The following PSMC6 variants were observed in gnomAD, a reference collection of about 807,000 sequenced individuals.
PSMC6 encodes the protein proteasome 26S subunit, ATPase 6.
PSMC6 carries 3 observed loss-of-function variants against 55.9 expected under a neutral mutation model. That is an observed-to-expected ratio of 0.05 (90% CI 0.02 to 0.14). The LOEUF (loss-of-function observed/expected upper bound fraction) is 0.14, where lower values mean the gene tolerates loss of function less well. Among genes scored for constraint, PSMC6 ranks in the 10% least tolerant of loss-of-function variants. PSMC6 has a pLI of 1.00. For missense variants in PSMC6, 210 were observed against 478.7 expected, an observed-to-expected ratio of 0.44 and a Z score of 5.24; for synonymous variants, 137 against 155.9, an observed-to-expected ratio of 0.88 and a Z score of 0.90.
intron 6 of PSMC6, among the ~76,000 whole-genome samples, chr14:52,711,803 T>C (rs1379438774): frequency 6.6e-6 from 1 of 152,176 alleles, no homozygotes; most frequent in African/African-American, 2.4e-5. Context: ...TAATCTGATA[T>C]CCTGTGGTTT....
At chr14:52,707,329 A>G (rs1421670803) in intron 1 of PSMC6, 25 bp downstream of exon 1, 2 of 1,613,200 alleles carry the variant, frequency 1.2e-6, no homozygotes, top group Non-Finnish European at 1.7e-6. Flanking sequence ...CTTTCCATTT[A>G]ATCAAGTGCC....
At chr14:52,725,081 G>A (rs181506435) in intron 13 of PSMC6, among the ~76,000 whole-genome samples, 4 of 152,296 alleles carry the variant, frequency 2.6e-5, no homozygotes, top group African/African-American at 2.4e-5. Flanking sequence ...TGCTCACAGA[G>A]CGTTATCAAT....
At chr14:52,725,141 G>T (rs1880357646) in intron 13 of PSMC6, among the ~76,000 whole-genome samples, 1 of 152,208 alleles carries the variant, frequency 6.6e-6, no homozygotes, top group South Asian at 2.1e-4. Flanking sequence ...ACAAGTTAGA[G>T]TAATTTATGA....
chr14:52,711,060 T>G, intron 4 of PSMC6, 41 bp from the exon 5 acceptor site: 1 of 1,281,444 alleles, frequency 7.8e-7, no homozygotes, highest in Non-Finnish European at 1.1e-6. Context: ...GTTATTCCGT[T>G]TTTAAGTGTT....
In PSMC6 at chr14:52,728,283, T is replaced by C. The variant is rs1265250059; in HGVS notation, c.*666T>C. The C allele has an allele frequency of 6.6e-6, 1 of 152,262 alleles. No individual in the cohort carries two copies. Among genetic ancestry groups the C allele is most frequent in the Non-Finnish European group, 1.5e-5 (1 of 68,058 alleles). The allele number at this position is 152,262 out of a possible 1,614,324, so 9.4% of individuals were successfully genotyped here. The stretch of plus-strand genomic sequence containing the variant: ...TCCATAACTTTTTAAAGAGTATGAT[T>C]CAACGTAATATTTGCTAATATGTGA... On this transcript the variant is annotated 3_prime_UTR_variant, in exon 14 of 14. Transcript: ENST00000445930.
chr14:52,712,277 G>T (rs1436435875), intron 6 of PSMC6, among the ~76,000 whole-genome samples: 1 of 151,828 alleles, frequency 6.6e-6, no homozygotes, highest in African/African-American at 2.4e-5. Context: ...GGTTTTGATG[G>T]ACTAGATTGG....
intron 6 of PSMC6, among the ~76,000 whole-genome samples, chr14:52,713,657 G>A (rs2041799288): frequency 6.6e-6 from 1 of 152,094 alleles, no homozygotes; most frequent in Non-Finnish European, 1.5e-5. Flanking sequence ...TCAAGTGTGT[G>A]GTTTATTTAA....
intron 7 of PSMC6, among the ~76,000 whole-genome samples, chr14:52,716,613 T>G (rs1449928605): frequency 6.6e-6 from 1 of 151,846 alleles, no homozygotes; most frequent in Non-Finnish European, 1.5e-5. Flanking sequence ...ATTAGCTGGG[T>G]GTAGTAGTTC....
At chr14:52,727,202 T>G (rs1451840898) in intron 13 of PSMC6, among the ~76,000 whole-genome samples, 2 of 150,786 alleles carry the variant, frequency 1.3e-5, no homozygotes, top group African/African-American at 4.9e-5. Flanking sequence ...TTTTTTTTTT[T>G]GTATTTTTAG....
Position 52,727,169 on chromosome 14 carries a change from C to T in PSMC6, c.1052-330C>T, listed in dbSNP as rs1015198888. 7.9e-5 allele frequency among the ~76,000 whole-genome samples: 12 copies of T among 150,982 alleles called. No individual in the cohort carries two copies. The East Asian group carries it at 9.7e-4, about 12-fold the overall frequency. ...CCGAGTAGCTGGGACTACAGGCGCG[C>T]GCCACCATGCCCAGCTAATTTTTTT... On this transcript the variant is annotated intron_variant, in intron 13 of 13. Coordinates refer to ENST00000445930, the MANE Select transcript of PSMC6 (RefSeq NM_002806.5).
intron 3 of PSMC6, 118 bp downstream of exon 3, chr14:52,708,640 T>C: frequency 6.5e-7 from 1 of 1,532,436 alleles, no homozygotes; most frequent in South Asian, 1.2e-5. Flanking sequence ...TTGAATAGAC[T>C]TAAGTTTTCC....
chr14:52,708,694 T>G, intron 3 of PSMC6, 70 bp from the exon 4 acceptor site: 1 of 1,596,092 alleles, frequency 6.3e-7, no homozygotes, highest in Non-Finnish European at 8.5e-7. Context: ...AACTAAACCC[T>G]CTGTCAACGT....
chr14:52,711,073 T>C (rs1389968974), intron 4 of PSMC6, 28 bp from the exon 5 acceptor site: 1 of 1,544,102 alleles, frequency 6.5e-7, no homozygotes, highest in Non-Finnish European at 8.9e-7. Context: ...TAAGTGTTGA[T>C]GTAATATCTT....
At chr14:52,709,939 T>C (rs2041749042) in intron 4 of PSMC6, 1 of 159,222 alleles carries the variant, frequency 6.3e-6, no homozygotes, top group Non-Finnish European at 1.4e-5. Context: ...AACATTGAAA[T>C]AGCTTCATAT....
intron 10 of PSMC6, among the ~76,000 whole-genome samples, chr14:52,720,444 A>T (rs1399330748): frequency 6.7e-6 from 1 of 148,222 alleles, no homozygotes; most frequent in Non-Finnish European, 1.5e-5. Flanking sequence ...GTATCCATTT[A>T]TCCTAATATA....
chr14:52,713,544 A>G (rs1463548213), intron 6 of PSMC6, among the ~76,000 whole-genome samples: 1 of 152,108 alleles, frequency 6.6e-6, no homozygotes, highest in Non-Finnish European at 1.5e-5. Flanking sequence ...TTTGTGGTAT[A>G]ATTTTTCATT....
chr14:52,720,806 G>A, intron 10 of PSMC6, 55 bp from the exon 11 acceptor site: 4 of 1,416,990 alleles, frequency 2.8e-6, no homozygotes, highest in Non-Finnish European at 3.9e-6. Context: ...AAAGGTGTGT[G>A]CTATTTTTTT....
chr14:52,720,367 CAAAAAAAAAAAAA>C (rs71444775), intron 10 of PSMC6, among the ~76,000 whole-genome samples: 29 of 41,482 alleles, frequency 7.0e-4, no homozygotes, highest in Admixed American at 8.7e-4. Flanking sequence ...AACTCTGTCT[CAAAAAAAAAAAAA>C]AAAAAAAAAA....
intron 7 of PSMC6, among the ~76,000 whole-genome samples, chr14:52,714,399 G>T (rs1268337730): frequency 6.6e-6 from 1 of 152,168 alleles, no homozygotes; most frequent in Non-Finnish European, 1.5e-5. Context: ...GTGAGAATGA[G>T]ATAGGATATT....
Sources: allele counts gnomAD v4.1 joint callset (sites outside exome capture counted in the v4.1 genomes callset), GRCh38; gene constraint gnomAD v4.1.1; transcripts MANE v1.5; gene names NCBI Gene and HGNC (gene_info 2026-07-23, HGNC 2026-07-21).